SKAP1: variants seen among roughly 807,000 people sequenced by gnomAD.
SKAP1 encodes the protein src kinase associated phosphoprotein 1.
A neutral mutation model predicts 58.5 loss-of-function variants in SKAP1; 44 were observed. That is an observed-to-expected ratio of 0.75 (90% CI 0.59 to 0.97). SKAP1 has a LOEUF of 0.97. Among genes scored for constraint, SKAP1 ranks in the 50% least tolerant of loss-of-function variants. The pLI, the probability that SKAP1 is intolerant of heterozygous loss-of-function variation, is 0.00. For synonymous variants in SKAP1, 127 were observed against 149.7 expected, an observed-to-expected ratio of 0.85 and a Z score of 1.11; for missense variants, 390 against 435.2, an observed-to-expected ratio of 0.90 and a Z score of 0.92.
chr17:48,321,297 A>G (rs372351966), intron 4 of SKAP1, among the ~76,000 whole-genome samples: 2 of 151,628 alleles, frequency 1.3e-5, no homozygotes, highest in South Asian at 4.2e-4. Context: ...AAAGATTTTC[A>G]GGAACAATAT....
chr17:48,133,680 T>G lies in SKAP1; in HGVS notation c.*144A>C, dbSNP rs1192195461. 3 of 152,500 alleles carry G rather than the reference T, an allele frequency of 2.0e-5. No individual in the cohort carries two copies. The highest frequency in any genetic ancestry group is 4.4e-5 in the Non-Finnish European group (3 of 68,046). The allele number at this position is 152,500 out of a possible 1,614,324, so 9.4% of individuals were successfully genotyped here. On this transcript the variant is annotated 3_prime_UTR_variant, in exon 13 of 13. Coordinates refer to ENST00000336915, the MANE Select transcript of SKAP1 (RefSeq NM_003726.4). ...TGTCTTACTGGTAGCTTACAGTCAC[T>G]CTGAGGTGTCAAGAGACTTGGGTCT...
chr17:48,324,560 T>G (rs1462816560), intron 4 of SKAP1, among the ~76,000 whole-genome samples: 1 of 152,052 alleles, frequency 6.6e-6, no homozygotes, highest in African/African-American at 2.4e-5. Context: ...TAACCTAATT[T>G]TTTCACTTAA....
chr17:48,404,429 G>A (rs2067543554), intron 1 of SKAP1, among the ~76,000 whole-genome samples: 1 of 152,134 alleles, frequency 6.6e-6, no homozygotes. Context: ...TCCAGCCTGG[G>A]CAAGAAGGGT....
At chr17:48,439,760 C>A in the SKAP1 span, among the ~76,000 whole-genome samples, 1 of 152,200 alleles carries the variant, frequency 6.6e-6, no homozygotes, top group Non-Finnish European at 1.5e-5. Flanking sequence ...CATATGGCCA[C>A]TATGACATGT....
intron 4 of SKAP1, among the ~76,000 whole-genome samples, chr17:48,239,882 A>T (rs1017159617): frequency 1.4e-5 from 2 of 147,484 alleles, no homozygotes; most frequent in African/African-American, 5.0e-5. Context: ...GAGAGAATGA[A>T]CTTGAATCAT....
intron 1 of SKAP1, among the ~76,000 whole-genome samples, chr17:48,418,167 G>C (rs751466368): frequency 1.3e-5 from 2 of 152,148 alleles, no homozygotes; most frequent in Non-Finnish European, 2.9e-5. Flanking sequence ...GCATGCACCT[G>C]TTGTCCCAAC....
chr17:48,399,050 C>A (rs1438621023), intron 1 of SKAP1, among the ~76,000 whole-genome samples: 4 of 151,338 alleles, frequency 2.6e-5, no homozygotes, highest in African/African-American at 4.8e-5. Flanking sequence ...ACAAAAAAAA[C>A]CACCAAACAA....
At chr17:48,213,350 C>CA (rs71366849) in intron 4 of SKAP1, among the ~76,000 whole-genome samples, 55,122 of 100,798 alleles carry the variant, frequency 0.55, 14,238 homozygotes, top group East Asian at 0.73. Flanking sequence ...AACTCTGTCT[C>CA]AAAAAAAAAA....
In SKAP1 at chr17:48,170,654, C is replaced by G. The variant is rs151249688; in HGVS notation, c.832G>C (p.Glu278Gln). The G allele has an allele frequency of 2.5e-6, 4 of 1,613,036 alleles. No individual in the cohort carries two copies. Among genetic ancestry groups the G allele is most frequent in the African/African-American group, 2.7e-5 (2 of 74,748 alleles). The change falls in exon 10 of 13, where the codon GAG (glutamate) becomes CAG (glutamine). Residue 278 changes from glutamate to glutamine, a missense_variant. Coordinates refer to ENST00000336915, the MANE Select transcript of SKAP1 (RefSeq NM_003726.4). The part of the protein sequence containing the change: ...EDIYEVLPDE[E>Q]HDLEEDESGT... ...CTCTCATCCTCTTCTAGATCATGCTCTTCATCTGGGGGGATAAATGATCAG... is the reference window on the plus strand; with the variant it reads ...CTCTCATCCTCTTCTAGATCATGCTGTTCATCTGGGGGGATAAATGATCAG...
chr17:48,370,411 T>C (rs1486664099), intron 2 of SKAP1, among the ~76,000 whole-genome samples: 1 of 152,026 alleles, frequency 6.6e-6, no homozygotes, highest in African/African-American at 2.4e-5. Flanking sequence ...GCTCAAGCAA[T>C]CCTCCCCACC....
intron 2 of SKAP1, among the ~76,000 whole-genome samples, chr17:48,379,374 T>C (rs1470926385): frequency 6.6e-6 from 1 of 152,206 alleles, no homozygotes; most frequent in Non-Finnish European, 1.5e-5. Context: ...AGATATAACA[T>C]TATTTCACTC....
intron 11 of SKAP1, among the ~76,000 whole-genome samples, chr17:48,152,917 C>G (rs928663920): frequency 6.6e-6 from 1 of 152,118 alleles, no homozygotes; most frequent in Non-Finnish European, 1.5e-5. Context: ...TGAGCATTAA[C>G]CTAACCCGGC....
intron 4 of SKAP1, among the ~76,000 whole-genome samples, chr17:48,227,243 C>T (rs1156775139): frequency 6.6e-6 from 1 of 152,172 alleles, no homozygotes; most frequent in Non-Finnish European, 1.5e-5. Flanking sequence ...AAGACTATTT[C>T]CTAAACTGCC....
chr17:48,209,818 A>C (rs1198192549), intron 4 of SKAP1, among the ~76,000 whole-genome samples: 10 of 152,212 alleles, frequency 6.6e-5, no homozygotes, highest in Admixed American at 5.9e-4. Context: ...TTGTTGTTTT[A>C]TAAGTAGAAT....
At chr17:48,366,263 A>G (rs2067000465) in intron 2 of SKAP1, among the ~76,000 whole-genome samples, 1 of 152,186 alleles carries the variant, frequency 6.6e-6, no homozygotes, top group African/African-American at 2.4e-5. Flanking sequence ...TCACAGTTTA[A>G]TTTGGGGAAC....
chr17:48,402,237 T>C (rs1367704155), intron 1 of SKAP1, among the ~76,000 whole-genome samples: 2 of 152,062 alleles, frequency 1.3e-5, no homozygotes, highest in African/African-American at 4.8e-5. Context: ...AAACAGAGAA[T>C]TATCATAGGA....
chr17:48,247,009 G>T (rs562738064), intron 4 of SKAP1, among the ~76,000 whole-genome samples: 1 of 152,228 alleles, frequency 6.6e-6, no homozygotes, highest in East Asian at 1.9e-4. Context: ...CATACCTCTC[G>T]CAGTCTCAAA....
At chr17:48,402,415 T>C (rs2067510522) in intron 1 of SKAP1, among the ~76,000 whole-genome samples, 1 of 152,032 alleles carries the variant, frequency 6.6e-6, no homozygotes, top group Non-Finnish European at 1.5e-5. Context: ...CTGCAACCTC[T>C]GCCTCCCGGA....
At chr17:48,383,690 T>A (rs930472382) in intron 2 of SKAP1, among the ~76,000 whole-genome samples, 2 of 150,032 alleles carry the variant, frequency 1.3e-5, no homozygotes, top group African/African-American at 4.9e-5. Context: ...AAACTGAATA[T>A]CCTTCAACTC....
Sources: allele counts gnomAD v4.1 joint callset (sites outside exome capture counted in the v4.1 genomes callset), GRCh38; gene constraint gnomAD v4.1.1; transcripts MANE v1.5; gene names NCBI Gene and HGNC (gene_info 2026-07-23, HGNC 2026-07-21).